The following FOCAD variants were observed in gnomAD, a reference collection of about 807,000 sequenced individuals.
The protein encoded by FOCAD is focadhesin.
Under a neutral mutation model 225.6 loss-of-function variants are expected in FOCAD, and 198 were observed. That is an observed-to-expected ratio of 0.88 (90% CI 0.78 to 0.99). The LOEUF (loss-of-function observed/expected upper bound fraction) is 0.99. Among genes scored for constraint, FOCAD ranks in the 50% least tolerant of loss-of-function variants. The pLI is 0.00. For missense variants in FOCAD, 2,713 were observed against 2,123.6 expected (o/e 1.28, Z -5.46); for synonymous variants, 897 against 755.0 (o/e 1.19, Z -3.08).
chr9:20,795,573 C>T (rs1348257771), intron 11 of FOCAD, among the ~76,000 whole-genome samples: 1 of 151,792 alleles, frequency 6.6e-6, no homozygotes, highest in Non-Finnish European at 1.5e-5. Flanking sequence ...ATCACGAGGT[C>T]AGGAGATTGA....
intron 18 of FOCAD, among the ~76,000 whole-genome samples, chr9:20,868,403 CT>C (rs1292495966): frequency 6.6e-6 from 1 of 151,964 alleles, no homozygotes; most frequent in Non-Finnish European, 1.5e-5. Flanking sequence ...TTAGTCTCTA[CT>C]TTTTAAAATA....
chr9:20,991,812 C>CAAAAA (rs58403366), intron 42 of FOCAD, among the ~76,000 whole-genome samples: 1 of 105,938 alleles, frequency 9.4e-6, no homozygotes, highest in Non-Finnish European at 1.9e-5. Flanking sequence ...GACTCTGTCT[C>CAAAAA]AAAAAAAAAA....
exon 2 of FOCAD, chr9:20,658,753 TG>T: frequency 6.3e-6 from 1 of 159,766 alleles, no homozygotes. Flanking sequence ...TCGCTCACGC[TG>T]GGAGCTGTAG....
At chr9:20,923,515 A>G in intron 24 of FOCAD, 145 bp from the exon 25 acceptor site, 1 of 598,174 alleles carries the variant, frequency 1.7e-6, no homozygotes, top group Middle Eastern at 4.4e-4. Context: ...CTGTTGGCCT[A>G]ACACAACAAA....
intron 4 of FOCAD, among the ~76,000 whole-genome samples, chr9:20,722,656 G>T (rs780839167): frequency 5.3e-5 from 8 of 152,106 alleles, no homozygotes; most frequent in Non-Finnish European, 1.0e-4. Context: ...TCACATACAC[G>T]CATATAAACA....
Position 20,862,578 on chromosome 9 carries a change from G to T in FOCAD, c.1921G>T (p.Val641Phe), listed in dbSNP as rs763775949. Residue 641 changes from valine to phenylalanine, a missense_variant and splice_region_variant, in exon 16 of 44, where the codon GTT (valine) becomes TTT (phenylalanine). Transcript: ENST00000338382. ...QGLHALCQAE[V>F]VCIRSTWNAL... Reference sequence around the variant, plus strand: ...TTGACCTTTTCTATTTGCTTCACAGGTTGTTTGCATTCGCTCCACTTGGAA... The same window carrying T: ...TTGACCTTTTCTATTTGCTTCACAGTTTGTTTGCATTCGCTCCACTTGGAA... 3 of 1,612,700 alleles carry T rather than the reference G, an allele frequency of 1.9e-6. No individual in the cohort carries two copies. Among genetic ancestry groups the T allele is most frequent in the South Asian group, 2.2e-5 (2 of 90,832 alleles).
At chr9:20,791,582 T>G (rs1297774514) in intron 11 of FOCAD, among the ~76,000 whole-genome samples, 1 of 152,206 alleles carries the variant, frequency 6.6e-6, no homozygotes, top group Non-Finnish European at 1.5e-5. Context: ...TACAGTTTCT[T>G]TCCTCTGTGA....
intron 21 of FOCAD, among the ~76,000 whole-genome samples, chr9:20,902,742 T>C (rs1832660465): frequency 6.6e-6 from 1 of 151,822 alleles, no homozygotes; most frequent in Non-Finnish European, 1.5e-5. Context: ...AGAAGTAGAC[T>C]CAAGAATTGA....
At chr9:20,659,443 A>AAAGAAAGAAAGAAAGAAAGAAAGG (rs1821644326) in intron 2 of FOCAD, among the ~76,000 whole-genome samples, 1 of 148,286 alleles carries the variant, frequency 6.7e-6, no homozygotes, top group Non-Finnish European at 1.5e-5. Flanking sequence ...AGAAAGAAAG[A>AAAGAAAGAAAGAAAGAAAGAAAGG]CAGACAGACA....
At chr9:20,861,442 C>G (rs1372127458) in intron 15 of FOCAD, among the ~76,000 whole-genome samples, 3 of 152,106 alleles carry the variant, frequency 2.0e-5, no homozygotes, top group Non-Finnish European at 4.4e-5. Context: ...CAATACTGCC[C>G]TTAGGAAAGG....
intron 18 of FOCAD, 69 bp downstream of exon 18, chr9:20,867,081 T>A: frequency 1.0e-6 from 1 of 995,206 alleles, no homozygotes; most frequent in Non-Finnish European, 1.5e-6. Flanking sequence ...CTCTCTCATC[T>A]TAGGAGATAC....
intron 4 of FOCAD, among the ~76,000 whole-genome samples, chr9:20,732,458 G>A (rs1405195881): frequency 1.3e-5 from 2 of 152,336 alleles, no homozygotes; most frequent in East Asian, 1.9e-4. Flanking sequence ...AAGATGGCCT[G>A]AAAGAATGCT....
At chr9:20,939,529 G>A (rs1337854301) in intron 28 of FOCAD, among the ~76,000 whole-genome samples, 1 of 152,088 alleles carries the variant, frequency 6.6e-6, no homozygotes, top group Non-Finnish European at 1.5e-5. Flanking sequence ...CAGGAAGGTT[G>A]TTTAAATGCG....
intron 10 of FOCAD, among the ~76,000 whole-genome samples, chr9:20,783,367 C>T (rs1396678195): frequency 6.6e-6 from 1 of 151,946 alleles, no homozygotes; most frequent in East Asian, 1.9e-4. Context: ...ATGTAAGCCA[C>T]ATTTTACTGT....
At chr9:20,696,423 C>T (rs771533026) in intron 1 of FOCAD, among the ~76,000 whole-genome samples, 4 of 152,164 alleles carry the variant, frequency 2.6e-5, no homozygotes, top group Non-Finnish European at 5.9e-5. Flanking sequence ...ATCAAAACAT[C>T]TGATTTTGTA....
chr9:20,768,861 C>G lies in FOCAD; in HGVS notation c.700-1171C>G, dbSNP rs536974184. 1.4e-3 allele frequency among the ~76,000 whole-genome samples: 214 copies of G among 152,054 alleles called. 1 individual carries two copies. Among genetic ancestry groups the G allele is most frequent in the African/African-American group, 4.9e-3 (204 of 41,482 alleles). ...TATTATATTATTAAATAATATATTTCTACATAAAGACAGAATGTTACTTCA... is the reference window on the plus strand; with the variant it reads ...TATTATATTATTAAATAATATATTTGTACATAAAGACAGAATGTTACTTCA... On this transcript the variant is annotated intron_variant, in intron 7 of 43. Transcript: ENST00000338382.
chr9:20,691,009 C>T (rs1406691957), intron 1 of FOCAD, among the ~76,000 whole-genome samples: 1 of 151,886 alleles, frequency 6.6e-6, no homozygotes, highest in South Asian at 2.1e-4. Flanking sequence ...GTGGCGTGAC[C>T]TCGGCTCACT....
intron 15 of FOCAD, among the ~76,000 whole-genome samples, chr9:20,860,189 T>G (rs543177750): frequency 6.6e-6 from 1 of 152,286 alleles, no homozygotes; most frequent in South Asian, 2.1e-4. Flanking sequence ...AACTAGGAAA[T>G]TAATATTGGT....
At chr9:20,989,906 A>G (rs185432784) in intron 41 of FOCAD, among the ~76,000 whole-genome samples, 3 of 152,304 alleles carry the variant, frequency 2.0e-5, no homozygotes, top group East Asian at 3.9e-4. Context: ...AAGGGACTTC[A>G]AAAATCTTCT....
Sources: allele counts gnomAD v4.1 joint callset (sites outside exome capture counted in the v4.1 genomes callset), GRCh38; gene constraint gnomAD v4.1.1; transcripts MANE v1.5; gene names NCBI Gene and HGNC (gene_info 2026-07-23, HGNC 2026-07-21).